The following SNX14 variants were observed in gnomAD, a reference collection of about 807,000 sequenced individuals.
The protein encoded by SNX14 is sorting nexin 14.
A neutral mutation model predicts 133.8 loss-of-function variants in SNX14; 93 were observed. The observed-to-expected ratio is 0.70, with a 90% confidence interval of 0.59 to 0.83. The LOEUF is 0.83. Ranked by LOEUF, SNX14 falls within the 40% of genes least tolerant of loss-of-function variation. The probability of loss-of-function intolerance (pLI) is 0.00; values close to 1 mark genes in which losing one functional copy is unlikely to be tolerated. For missense variants in SNX14, 945 were observed against 1,094.9 expected (o/e 0.86, Z 1.93); for synonymous variants, 368 against 365.6 (o/e 1.01, Z -0.07).
rs115663250 is a variant in SNX14 at position 85,569,502 on chromosome 6, T to C, written c.418-1925A>G. On this transcript the variant is annotated intron_variant, in intron 4 of 28. Coordinates refer to ENST00000314673, the MANE Select transcript of SNX14 (RefSeq NM_153816.6). ...CATGCAGCAGCTGCATCACTTCCTTTTCACTCCCAGTGTACCCTATGAGTC... is the reference window on the plus strand; with the variant it reads ...CATGCAGCAGCTGCATCACTTCCTTCTCACTCCCAGTGTACCCTATGAGTC... Among the ~76,000 whole-genome samples, 158 of 152,316 alleles carry C rather than the reference T, an allele frequency of 1.0e-3. 1 individual carries two copies. Among genetic ancestry groups the C allele is most frequent in the African/African-American group, 3.4e-3 (141 of 41,580 alleles).
intron 2 of SNX14, among the ~76,000 whole-genome samples, chr6:85,573,024 C>T (rs377397153): frequency 6.6e-6 from 1 of 152,314 alleles, no homozygotes; most frequent in African/African-American, 2.4e-5. Flanking sequence ...ACTATTTTCT[C>T]TTTCTCCAAA....
chr6:85,511,772 C>A (rs1772906798), intron 26 of SNX14, among the ~76,000 whole-genome samples: 3 of 152,226 alleles, frequency 2.0e-5, no homozygotes, highest in African/African-American at 7.2e-5. Context: ...ATAATTCTAA[C>A]ATCCCTGCCA....
chr6:85,521,915 TTTA>T (rs902613899), intron 21 of SNX14, among the ~76,000 whole-genome samples: 5 of 152,222 alleles, frequency 3.3e-5, no homozygotes, highest in African/African-American at 1.2e-4. Context: ...GTTTGATTTT[TTTA>T]TTATGTGATT....
At chr6:85,563,526 G>C (rs1372267938) in intron 6 of SNX14, among the ~76,000 whole-genome samples, 1 of 152,078 alleles carries the variant, frequency 6.6e-6, no homozygotes, top group Non-Finnish European at 1.5e-5. Context: ...TGAGTAGCTG[G>C]TATTACAGAT....
intron 4 of SNX14, among the ~76,000 whole-genome samples, chr6:85,571,350 A>C: frequency 6.8e-6 from 1 of 146,652 alleles, no homozygotes; most frequent in Non-Finnish European, 1.5e-5. Context: ...GCAGAGCAAG[A>C]CTCCATCTCA....
Position 85,508,055 on chromosome 6 carries a change from C to T in SNX14, c.2658G>A (p.Leu886=), listed in dbSNP as rs550021470. ...TTTCTTCACCAATACACTTGACTAA[C>T]AGATCTAAACAAAAAGGCCAAATGT... ...FEEMMNYIPD[L]LVKCIGEETK... The change falls in exon 27 of 29, where the codon CTG becomes CTA. Residue 886 remains leucine (L), a synonymous_variant. Transcript: ENST00000314673. 1 of 1,611,658 alleles carries T rather than the reference C, an allele frequency of 6.2e-7. No homozygotes were observed. The highest frequency in any genetic ancestry group is 1.7e-5 in the Admixed American group (1 of 59,762).
intron 7 of SNX14, among the ~76,000 whole-genome samples, chr6:85,556,965 A>G (rs1314015795): frequency 6.6e-6 from 1 of 152,184 alleles, no homozygotes. Context: ...AATTGATACT[A>G]TGTGGGGGGA....
chr6:85,557,602 AAGAC>A (rs1790178260), intron 7 of SNX14, among the ~76,000 whole-genome samples: 1 of 152,216 alleles, frequency 6.6e-6, no homozygotes. Flanking sequence ...TTTTAGTAGA[AAGAC>A]AACATGAGAC....
chr6:85,591,224 G>A (rs1430493833), intron 1 of SNX14, among the ~76,000 whole-genome samples: 1 of 149,480 alleles, frequency 6.7e-6, no homozygotes, highest in African/African-American at 2.5e-5. Context: ...TATCATCTGT[G>A]TGTGTGTGTG....
Position 85,547,496 on chromosome 6 carries a change from C to CA in SNX14, c.912+9dup, listed in dbSNP as rs762602372. 5 of 1,605,690 alleles carry CA rather than the reference C, an allele frequency of 3.1e-6. No homozygotes were observed. Among genetic ancestry groups the CA allele is most frequent in the Non-Finnish European group, 4.2e-6 (5 of 1,177,242 alleles). Reference sequence around the variant, plus strand: ...AATCTGAAGTGTTTTCTAATATATTCAATACTCACTGGACTGTCATCTATG... The same window carrying CA: ...AATCTGAAGTGTTTTCTAATATATTCAAATACTCACTGGACTGTCATCTATG... On this transcript the variant is annotated intron_variant, in intron 10 of 28. Coordinates refer to ENST00000314673, the MANE Select transcript of SNX14 (RefSeq NM_153816.6).
intron 21 of SNX14, among the ~76,000 whole-genome samples, chr6:85,521,855 A>G (rs1438973648): frequency 6.6e-6 from 1 of 152,132 alleles, no homozygotes; most frequent in Non-Finnish European, 1.5e-5. Context: ...ATTTTCTTCT[A>G]GTAGTTTTAT....
At chr6:85,571,077 G>A (rs1438214798) in intron 4 of SNX14, among the ~76,000 whole-genome samples, 1 of 151,920 alleles carries the variant, frequency 6.6e-6, no homozygotes, top group African/African-American at 2.4e-5. Flanking sequence ...TAGAGGCCCG[G>A]CATGGTGGCT....
chr6:85,571,687 G>A (rs1268716795), intron 4 of SNX14, among the ~76,000 whole-genome samples: 2 of 152,060 alleles, frequency 1.3e-5, no homozygotes, highest in Non-Finnish European at 2.9e-5. Flanking sequence ...CTATAACAAA[G>A]ATAAGAGAAC....
intron 4 of SNX14, among the ~76,000 whole-genome samples, chr6:85,569,788 G>C (rs1227183676): frequency 6.6e-6 from 1 of 152,154 alleles, no homozygotes; most frequent in African/African-American, 2.4e-5. Context: ...GTTATACATA[G>C]ATTACATGAA....
chr6:85,593,474 C>G (rs1562039004), intron 1 of SNX14, 105 bp downstream of exon 1: 1 of 1,452,608 alleles, frequency 6.9e-7, no homozygotes, highest in East Asian at 2.5e-5. Context: ...CCCCACTGGT[C>G]CCCAGTCCCG....
chr6:85,505,973 C>A lies in SNX14; in HGVS notation c.2835G>T (p.Trp945Cys). The change falls in exon 29 of 29, where the codon TGG (tryptophan) becomes TGT (cysteine). Residue 945 changes from tryptophan (W) to cysteine (C), a missense_variant. This residue lies in a region of SNX14 where 19 missense variants were observed against 39.4 expected (regional missense o/e 0.48). Transcript: ENST00000314673. ...VQKEVTSVTS[W>C]M is the part of the protein sequence containing the mutation. The stretch of plus-strand genomic sequence containing the variant: ...CTATACCAAATCCAAGTGTTTACAT[C>A]CAAGATGTCACAGAGGTAACTTCCT... 1 of 1,601,318 alleles carries A rather than the reference C, an allele frequency of 6.2e-7. No individual in the cohort carries two copies. Among genetic ancestry groups the A allele is most frequent in the South Asian group, 1.1e-5 (1 of 90,768 alleles).
chr6:85,565,567 A>C, intron 5 of SNX14, 148 bp from the exon 6 acceptor site: 1 of 596,872 alleles, frequency 1.7e-6, no homozygotes, highest in South Asian at 2.2e-5. Context: ...GCAGAAAAAA[A>C]GACATGTACA....
At chr6:85,591,837 C>T (rs965336580) in intron 1 of SNX14, among the ~76,000 whole-genome samples, 1 of 152,052 alleles carries the variant, frequency 6.6e-6, no homozygotes, top group African/African-American at 2.4e-5. Context: ...TGGTGAAACC[C>T]CCGTCTCTAT....
At chr6:85,527,355 C>T (rs1181533199) in intron 20 of SNX14, among the ~76,000 whole-genome samples, 1 of 151,156 alleles carries the variant, frequency 6.6e-6, no homozygotes, top group Non-Finnish European at 1.5e-5. Flanking sequence ...TTTCAATTTT[C>T]ATATCACCAA....
Sources: gnomAD v4.1 joint callset for allele counts (sites outside exome capture counted in the v4.1 genomes callset) on GRCh38, gnomAD v4.1.1 for gene constraint, gnomAD v4.1.1 regional missense constraint, MANE v1.5 for transcripts, NCBI Gene and HGNC (gene_info 2026-07-23, HGNC 2026-07-21) for gene names.